UGT2B4: variants seen among roughly 807,000 people sequenced by gnomAD.
The protein encoded by UGT2B4 is UDP-glucuronosyltransferase 2B4.
In UGT2B4, 49 loss-of-function variants were observed where a neutral mutation model predicts 49.8. That is an observed-to-expected ratio of 0.98 (90% CI 0.78 to 1.25). The LOEUF (loss-of-function observed/expected upper bound fraction) is 1.25, where lower values mean the gene tolerates loss of function less well. Ranked by LOEUF, UGT2B4 falls within the 50% of genes most tolerant of loss-of-function variation. The pLI is 0.00. For missense variants in UGT2B4, 729 were observed against 627.7 expected (o/e 1.16, Z -1.73); for synonymous variants, 246 against 217.7 (o/e 1.13, Z -1.14).
intron 5 of UGT2B4, among the ~76,000 whole-genome samples, chr4:69,484,534 A>G (rs1173194568): frequency 6.6e-6 from 1 of 152,224 alleles, no homozygotes; most frequent in Non-Finnish European, 1.5e-5. Context: ...GAAGTCATTT[A>G]CACATCATAA....
At chr4:69,502,208 T>TTTG (rs3075661) in intron 1 of UGT2B4, among the ~76,000 whole-genome samples, 139,883 of 147,202 alleles carry the variant, frequency 0.95, 66,969 homozygotes, top group East Asian at 1. Flanking sequence ...ATAATTTATT[T>TTTG]TTGTTGTTGT....
At chr4:69,495,936 T>A (rs551210167), upstream of UGT2B4, 10 of 1,517,760 alleles carry the variant, frequency 6.6e-6, no homozygotes, top group South Asian at 1.4e-4. Context: ...CCAGTATAAA[T>A]CAGTCAAGAA....
chr4:69,511,602 T>G (rs573172330), intron 1 of UGT2B4, among the ~76,000 whole-genome samples: 11 of 152,180 alleles, frequency 7.2e-5, no homozygotes, highest in Non-Finnish European at 1.5e-4. Context: ...AATATTGGAC[T>G]GTTTTTTATC....
Position 69,495,811 on chromosome 4 carries a change from G to A in UGT2B4, c.51C>T (p.Tyr17=), listed in dbSNP as rs560188134. 6 of 1,612,944 alleles carry A rather than the reference G, an allele frequency of 3.7e-6. No individual in the cohort carries two copies. The East Asian group carries it at 1.1e-4, about 30-fold the overall frequency. ...SALLLIQLSC[Y]FSSGSCGKVL... ...CCTTTCCACAACTCCCAGAGCTAAA[G>A]TAACAGCTCAGCTGTATCAGCAGAA... Residue 17 remains tyrosine (Y), a synonymous_variant, in exon 1 of 6, where the codon TAC becomes TAT. Transcript: ENST00000305107.
intron 1 of UGT2B4, among the ~76,000 whole-genome samples, chr4:69,523,934 T>C (rs189603446): frequency 2.8e-4 from 43 of 152,252 alleles, no homozygotes; most frequent in Admixed American, 9.8e-4. Flanking sequence ...TAGCTTCTTT[T>C]ACTAAGTTTC....
At chr4:69,499,601 C>G (rs1560437946), upstream of UGT2B4, among the ~76,000 whole-genome samples, 1 of 152,174 alleles carries the variant, frequency 6.6e-6, no homozygotes, top group Non-Finnish European at 1.5e-5. Context: ...GAATTGAACC[C>G]TTTACCATTA....
chr4:69,512,734 G>GT (rs1398990210), intron 1 of UGT2B4, among the ~76,000 whole-genome samples: 9 of 151,686 alleles, frequency 5.9e-5, no homozygotes, highest in South Asian at 2.1e-4. Context: ...TTGTTTGTTT[G>GT]TTTGTTTTGT....
At chr4:69,490,410 C>G (rs1022315028) in intron 2 of UGT2B4, among the ~76,000 whole-genome samples, 1 of 152,070 alleles carries the variant, frequency 6.6e-6, no homozygotes, top group African/African-American at 2.4e-5. Flanking sequence ...TTTGCTGTGT[C>G]TCAGAGGCAG....
At chr4:69,495,988 T>A (rs1728151337), upstream of UGT2B4, 2 of 1,417,714 alleles carry the variant, frequency 1.4e-6, no homozygotes, top group Non-Finnish European at 1.9e-6. Context: ...ATACATTATA[T>A]TAACAGTCTG....
At chr4:69,502,122 T>TTTCTTTCTTTCTTTC (rs1728346637) in intron 1 of UGT2B4, among the ~76,000 whole-genome samples, 27 of 141,568 alleles carry the variant, frequency 1.9e-4, no homozygotes, top group African/African-American at 6.1e-4. Context: ...TCTTTCTTTC[T>TTTCTTTCTTTCTTTC]TTCTTTCTTT....
chr4:69,504,331 A>G (rs1482416498), intron 1 of UGT2B4, among the ~76,000 whole-genome samples: 20 of 152,204 alleles, frequency 1.3e-4, no homozygotes, highest in Admixed American at 1.2e-3. Flanking sequence ...AAAAATGATA[A>G]TAAATTATCA....
At position 69,481,679 on chromosome 4, in the gene UGT2B4, C is replaced by A. The variant is rs373543651; in HGVS notation, c.1311-769G>T. ...GTGTTATGAAATATCCAGTTACACT[C>A]CTTTAGTTCTCCAGCAGGCGTATAA... On this transcript the variant is annotated intron_variant, in intron 5 of 5. Coordinates refer to ENST00000305107, the MANE Select transcript of UGT2B4 (RefSeq NM_021139.3). Among the ~76,000 whole-genome samples, 28 of 152,280 alleles carry A rather than the reference C, an allele frequency of 1.8e-4. No homozygotes were observed. The East Asian group carries it at 4.4e-3, about 24-fold the overall frequency.
chr4:69,490,284 T>G (rs1727942244), intron 2 of UGT2B4, among the ~76,000 whole-genome samples: 6 of 152,196 alleles, frequency 3.9e-5, no homozygotes, highest in Admixed American at 3.9e-4. Flanking sequence ...TGTAGTTACA[T>G]AGTCGAATGA....
chr4:69,514,099 T>A (rs1053588269), intron 1 of UGT2B4, among the ~76,000 whole-genome samples: 4 of 152,222 alleles, frequency 2.6e-5, no homozygotes, highest in Non-Finnish European at 5.9e-5. Context: ...TATGCTTTTT[T>A]TAAATTATAC....
intron 1 of UGT2B4, among the ~76,000 whole-genome samples, chr4:69,525,520 T>C (rs1225441547): frequency 6.6e-6 from 1 of 152,202 alleles, no homozygotes; most frequent in Non-Finnish European, 1.5e-5. Flanking sequence ...CTTAATTTTT[T>C]AATAAGTATT....
At chr4:69,491,008 T>C (rs1727970004) in intron 2 of UGT2B4, among the ~76,000 whole-genome samples, 1 of 152,218 alleles carries the variant, frequency 6.6e-6, no homozygotes, top group Admixed American at 6.6e-5. Context: ...AGGTATTTTA[T>C]AGAAGTAGTG....
chr4:69,484,475 A>C (rs1490236406), intron 5 of UGT2B4, among the ~76,000 whole-genome samples: 2 of 152,108 alleles, frequency 1.3e-5, no homozygotes, highest in Admixed American at 6.6e-5. Context: ...ACACAATATA[A>C]ATAAAGCTAA....
chr4:69,525,782 T>TAA (rs935286341), exon 1 of UGT2B4: 27 of 1,173,250 alleles, frequency 2.3e-5, no homozygotes, highest in Admixed American at 1.3e-4. Flanking sequence ...TTAAACAAGT[T>TAA]GACTAACATT....
At chr4:69,506,048 C>T (rs1186590823) in intron 1 of UGT2B4, among the ~76,000 whole-genome samples, 1 of 151,944 alleles carries the variant, frequency 6.6e-6, no homozygotes, top group African/African-American at 2.4e-5. Context: ...ATACAACATG[C>T]CAAAATCTCT....
Sources: gnomAD v4.1 joint callset for allele counts (sites outside exome capture counted in the v4.1 genomes callset) on GRCh38, gnomAD v4.1.1 for gene constraint, MANE v1.5 for transcripts, NCBI Gene and HGNC (gene_info 2026-07-23, HGNC 2026-07-21) for gene names.